The following SH3RF3 variants were observed in gnomAD, a reference collection of about 807,000 sequenced individuals.
SH3RF3 encodes the protein E3 ubiquitin-protein ligase SH3RF3.
In SH3RF3, 29 loss-of-function variants were observed where a neutral mutation model predicts 66.3. That is an observed-to-expected ratio of 0.44 (90% CI 0.33 to 0.60). The LOEUF (loss-of-function observed/expected upper bound fraction) is 0.60, where lower values mean the gene tolerates loss of function less well. Ranked by LOEUF, SH3RF3 falls within the 20% of genes least tolerant of loss-of-function variation. The pLI is 0.04. For missense variants in SH3RF3, 1,194 were observed against 1,190.9 expected (o/e 1.00, Z -0.04); for synonymous variants, 583 against 532.0 (o/e 1.10, Z -1.32).
At position 109,437,114 on chromosome 2, in the gene SH3RF3, C is replaced by T. The variant is rs117843818; in HGVS notation, c.1796C>T (p.Thr599Met). 3.2e-3 allele frequency: 5,095 copies of T among 1,612,660 alleles called. 116 individuals are homozygous for T. The East Asian group carries it at 0.052, about 16-fold the overall frequency. The change falls in exon 7 of 10, where the codon ACG becomes ATG. Residue 599 changes from threonine to methionine, a missense_variant. Coordinates refer to ENST00000309415, the MANE Select transcript of SH3RF3 (RefSeq NM_001099289.3). ...TGTCTACGGCACTCAGCCCAGCCAA[C>T]GGCCAGCCAAGCCCGGAGCACCATT... ...GSCLRHSAQPTASQARSTIST... is the reference protein window; with the variant it reads ...GSCLRHSAQPMASQARSTIST...
chr2:109,384,373 G>C (rs1220251585), intron 3 of SH3RF3, among the ~76,000 whole-genome samples: 1 of 152,148 alleles, frequency 6.6e-6, no homozygotes, highest in Non-Finnish European at 1.5e-5. Context: ...CAGTTTTCCT[G>C]TCAGCGCTCG....
chr2:109,428,536 C>T (rs1677100185), intron 5 of SH3RF3, among the ~76,000 whole-genome samples: 2 of 152,236 alleles, frequency 1.3e-5, no homozygotes, highest in African/African-American at 4.8e-5. Flanking sequence ...CCTGACTGCA[C>T]ACCTGCCGCG....
At position 109,129,489 on chromosome 2, in the gene SH3RF3, G is replaced by A; in HGVS notation, c.-52G>A. Reference sequence around the variant, plus strand: ...GCTGGCTGCCGGTGGCGGGCTCCACGCCGGCCCCGGGACCTAGGCAGCCGC... The same window carrying A: ...GCTGGCTGCCGGTGGCGGGCTCCACACCGGCCCCGGGACCTAGGCAGCCGC... On this transcript the variant is annotated 5_prime_UTR_variant, in exon 1 of 10. Transcript: ENST00000309415. 6.7e-7 allele frequency: 1 copy of A among 1,494,334 alleles called. No individual in the cohort carries two copies. The highest frequency in any genetic ancestry group is 8.9e-7 in the Non-Finnish European group (1 of 1,127,908). The allele number at this position is 1,494,334 out of a possible 1,614,324, so 92.6% of individuals were successfully genotyped here. A position where few individuals can be genotyped will look rare whatever the true frequency, so the allele number is the denominator to read the frequency against.
chr2:109,180,761 C>G (rs1454670692), intron 1 of SH3RF3, among the ~76,000 whole-genome samples: 1 of 152,148 alleles, frequency 6.6e-6, no homozygotes, highest in Non-Finnish European at 1.5e-5. Flanking sequence ...GTCCATTAAA[C>G]CTCTTTATTT....
chr2:109,181,648 G>A (rs1471111647), intron 1 of SH3RF3, among the ~76,000 whole-genome samples: 2 of 152,094 alleles, frequency 1.3e-5, no homozygotes, highest in South Asian at 2.1e-4. Flanking sequence ...GCCTGTTGCC[G>A]AACACACCAA....
At chr2:109,306,416 G>A (rs1032062062) in intron 1 of SH3RF3, among the ~76,000 whole-genome samples, 1 of 152,228 alleles carries the variant, frequency 6.6e-6, no homozygotes, top group African/African-American at 2.4e-5. Flanking sequence ...CGGGGCTTCC[G>A]ATTCCATCCT....
intron 1 of SH3RF3, among the ~76,000 whole-genome samples, chr2:109,139,746 C>T (rs1676896407): frequency 6.6e-6 from 1 of 152,138 alleles, no homozygotes; most frequent in Non-Finnish European, 1.5e-5. Context: ...CAGAAGGGCA[C>T]CTGCTATGGG....
At chr2:109,473,833 CT>C (rs939243314) in intron 8 of SH3RF3, among the ~76,000 whole-genome samples, 7 of 151,850 alleles carry the variant, frequency 4.6e-5, no homozygotes, top group African/African-American at 1.7e-4. Flanking sequence ...CAGGCTGTCT[CT>C]TTTTTGGGGT....
intron 1 of SH3RF3, among the ~76,000 whole-genome samples, chr2:109,275,569 A>G (rs1680733617): frequency 6.6e-6 from 1 of 152,070 alleles, no homozygotes; most frequent in African/African-American, 2.4e-5. Flanking sequence ...GCTGATGAGC[A>G]CTCAAAAGAG....
intron 1 of SH3RF3, among the ~76,000 whole-genome samples, chr2:109,153,809 G>A (rs1209524904): frequency 2.0e-5 from 3 of 152,224 alleles, no homozygotes; most frequent in African/African-American, 7.2e-5. Flanking sequence ...CATCTTGCTG[G>A]AGCTGAGATT....
intron 1 of SH3RF3, among the ~76,000 whole-genome samples, chr2:109,290,394 C>CA (rs1213219331): frequency 4.6e-5 from 7 of 152,228 alleles, no homozygotes; most frequent in Admixed American, 6.5e-5. Context: ...CATAAATACT[C>CA]AAAGTCCCTT....
intron 1 of SH3RF3, among the ~76,000 whole-genome samples, chr2:109,270,464 C>T (rs544642848): frequency 6.6e-6 from 1 of 152,302 alleles, no homozygotes; most frequent in East Asian, 1.9e-4. Flanking sequence ...CTTGTTTCCA[C>T]TGCCTGAGCT....
At chr2:109,403,658 A>G (rs1676374225) in intron 4 of SH3RF3, among the ~76,000 whole-genome samples, 1 of 152,202 alleles carries the variant, frequency 6.6e-6, no homozygotes, top group Non-Finnish European at 1.5e-5. Context: ...GGCTGAGGCC[A>G]GGCTCAATGC....
intron 1 of SH3RF3, among the ~76,000 whole-genome samples, chr2:109,314,156 C>T (rs4479453): frequency 0.31 from 47,437 of 151,940 alleles, 9,191 homozygotes; most frequent in African/African-American, 0.55. Context: ...GTGCCAAGGT[C>T]GTGGTCTGTG....
At position 109,449,377 on chromosome 2, in the gene SH3RF3, A is replaced by G; in HGVS notation, c.2036A>G (p.Asn679Ser). Residue 679 changes from asparagine to serine, a missense_variant, in exon 8 of 10, where the codon AAC (asparagine) becomes AGC (serine). Physicochemically the swap from Asn to Ser is conservative, Grantham distance 46 (BLOSUM62 1). Coordinates refer to ENST00000309415, the MANE Select transcript of SH3RF3 (RefSeq NM_001099289.3). ...TSAASAITPPNVSAANLNGEA... is the reference protein window; with the variant it reads ...TSAASAITPPSVSAANLNGEA... ...GCAGCATCAGCCATCACACCTCCCAACGTCAGTGCCGCAAACCTCAACGGG... is the reference window on the plus strand; with the variant it reads ...GCAGCATCAGCCATCACACCTCCCAGCGTCAGTGCCGCAAACCTCAACGGG... 5 of 1,610,712 alleles carry G rather than the reference A, an allele frequency of 3.1e-6. No homozygotes were observed. Among genetic ancestry groups the G allele is most frequent in the Non-Finnish European group, 4.2e-6 (5 of 1,178,338 alleles).
intron 1 of SH3RF3, among the ~76,000 whole-genome samples, chr2:109,168,138 A>G (rs1677673983): frequency 6.6e-6 from 1 of 152,212 alleles, no homozygotes; most frequent in Non-Finnish European, 1.5e-5. Flanking sequence ...TGTTAGGCTT[A>G]AATTGTGTGC....
chr2:109,326,640 A>G (rs547826752), intron 1 of SH3RF3, among the ~76,000 whole-genome samples: 3 of 152,198 alleles, frequency 2.0e-5, no homozygotes, highest in Non-Finnish European at 4.4e-5. Context: ...ATTTGTGTTC[A>G]TAGCCTTTTC....
intron 5 of SH3RF3, among the ~76,000 whole-genome samples, chr2:109,421,272 G>A (rs1434313220): frequency 6.6e-6 from 1 of 152,212 alleles, no homozygotes; most frequent in Admixed American, 6.5e-5. Context: ...TGCTTCAAGG[G>A]CAAAGCCCAG....
intron 8 of SH3RF3, among the ~76,000 whole-genome samples, chr2:109,485,019 T>G (rs749611091): frequency 6.6e-6 from 1 of 152,226 alleles, no homozygotes; most frequent in Non-Finnish European, 1.5e-5. Context: ...GTGCTGAAAA[T>G]AGTACGTAAC....
Sources: gnomAD v4.1 joint callset for allele counts (sites outside exome capture counted in the v4.1 genomes callset) on GRCh38, gnomAD v4.1.1 for gene constraint, MANE v1.5 for transcripts, NCBI Gene and HGNC (gene_info 2026-07-23, HGNC 2026-07-21) for gene names.